AMBP: variants seen among roughly 807,000 people sequenced by gnomAD.
AMBP encodes alpha-1-microglobulin/bikunin precursor.
Under a neutral mutation model 46.3 loss-of-function variants are expected in AMBP, and 37 were observed. That is an observed-to-expected ratio of 0.80 (90% confidence interval 0.61 to 1.05). AMBP has a LOEUF of 1.05. Among genes scored for constraint, AMBP ranks in the 50% least tolerant of loss-of-function variants. The pLI is 0.00. For synonymous variants in AMBP, 174 were observed against 175.9 expected (o/e 0.99, Z 0.09); for missense variants, 475 against 461.2 (o/e 1.03, Z -0.27).
chr9:114,061,385 G>C (rs759875370), intron 8 of AMBP, 39 bp downstream of exon 8: 2 of 1,612,974 alleles, frequency 1.2e-6, no homozygotes, highest in African/African-American at 1.3e-5. Context: ...ACAGGGTCTT[G>C]AGGGTGCAGA....
intron 6 of AMBP, 110 bp downstream of exon 6, chr9:114,069,589 C>A (rs906910054): frequency 9.2e-7 from 1 of 1,089,008 alleles, no homozygotes; most frequent in East Asian, 2.6e-5. Flanking sequence ...CCTTCTCTCA[C>A]CCCCTCCCCA....
intron 9 of AMBP, 138 bp downstream of exon 9, chr9:114,060,787 A>C: frequency 9.5e-7 from 1 of 1,057,970 alleles, no homozygotes; most frequent in South Asian, 1.6e-5. Context: ...GCTCAGCCCC[A>C]TTTCAGAGAG....
chr9:114,061,217 G>C, intron 8 of AMBP, 119 bp from the exon 9 acceptor site: 1 of 1,414,124 alleles, frequency 7.1e-7, no homozygotes, highest in Non-Finnish European at 9.5e-7. Flanking sequence ...CTCGTTGACA[G>C]ATGGGGAAAC....
In AMBP at chr9:114,078,085, A is replaced by G; in HGVS notation, c.117+8T>C. The G allele has an allele frequency of 6.2e-7, 1 of 1,613,932 alleles. No individual in the cohort carries two copies. Among genetic ancestry groups the G allele is most frequent in the South Asian group, 1.1e-5 (1 of 91,070 alleles). On this transcript the variant is annotated splice_region_variant and intron_variant, in intron 1 of 9. Coordinates refer to ENST00000265132, the MANE Select transcript of AMBP (RefSeq NM_001633.4). ...CATCCACCCTACCACAGAGAGCGGC[A>G]GCCTTACCCGAGAGATATTGAAGTT...
chr9:114,074,827 AGTT>A (rs958889177), intron 3 of AMBP, 130 bp downstream of exon 3: 4 of 722,358 alleles, frequency 5.5e-6, no homozygotes, highest in African/African-American at 3.5e-5. Flanking sequence ...GAAGAGGAGG[AGTT>A]GTTTGGGGGA....
intron 6 of AMBP, among the ~76,000 whole-genome samples, chr9:114,065,029 A>G (rs1846679868): frequency 6.6e-6 from 1 of 152,168 alleles, no homozygotes; most frequent in Non-Finnish European, 1.5e-5. Flanking sequence ...GGGCTATACA[A>G]TTGAGTGCTC....
chr9:114,069,863 CT>C (rs1564372159), intron 5 of AMBP, 118 bp from the exon 6 acceptor site: 1 of 1,024,608 alleles, frequency 9.8e-7, no homozygotes, highest in African/African-American at 1.6e-5. Context: ...CCTTAGTCCA[CT>C]TCATGAATGG....
At chr9:114,070,985 G>A (rs1018012468) in intron 5 of AMBP, among the ~76,000 whole-genome samples, 2 of 152,152 alleles carry the variant, frequency 1.3e-5, no homozygotes, top group African/African-American at 2.4e-5. Context: ...AGCTTGCCAC[G>A]ATGTCACCCC....
At chr9:114,061,164 ACTG>A in intron 8 of AMBP, 66 bp from the exon 9 acceptor site, 1 of 1,566,216 alleles carries the variant, frequency 6.4e-7, no homozygotes. Flanking sequence ...CATACATGAG[ACTG>A]CTGAGCCAGA....
At chr9:114,073,818 G>A (rs538725397) in intron 4 of AMBP, among the ~76,000 whole-genome samples, 11 of 152,268 alleles carry the variant, frequency 7.2e-5, no homozygotes, top group African/African-American at 2.4e-4. Context: ...TCTTTTAAGG[G>A]CCTGGAGGCT....
chr9:114,068,160 T>C (rs1183373757), intron 6 of AMBP, among the ~76,000 whole-genome samples: 3 of 152,196 alleles, frequency 2.0e-5, no homozygotes, highest in Non-Finnish European at 1.5e-5. Flanking sequence ...ATAATAAATA[T>C]ACTCTTTAAA....
At chr9:114,075,523 CTAT>C (rs1846796763) in intron 2 of AMBP, among the ~76,000 whole-genome samples, 1 of 152,188 alleles carries the variant, frequency 6.6e-6, no homozygotes, top group South Asian at 2.1e-4. Flanking sequence ...TACGAATTAG[CTAT>C]TATTGTTACA....
At position 114,064,855 on chromosome 9, in the gene AMBP, T is replaced by A. The variant is rs73658326; in HGVS notation, c.604-2097A>T. On this transcript the variant is annotated intron_variant, in intron 6 of 9. Transcript: ENST00000265132. ...CTCCAGGCCTGGTATGTCATCAGAT[T>A]TATTATTCTTCCTAATACTTCTAAA... 6.8e-3 allele frequency among the ~76,000 whole-genome samples: 1,040 copies of A among 152,264 alleles called. 10 individuals carry two copies. The highest frequency in any genetic ancestry group is 0.022 in the African/African-American group (931 of 41,540).
intron 8 of AMBP, 56 bp from the exon 9 acceptor site, chr9:114,061,154 C>CCTG: frequency 6.3e-7 from 1 of 1,586,538 alleles, no homozygotes; most frequent in Non-Finnish European, 8.6e-7. Flanking sequence ...GCTGATCAGA[C>CCTG]ATACATGAGA....
At chr9:114,068,814 A>G (rs1413606728) in intron 6 of AMBP, among the ~76,000 whole-genome samples, 1 of 150,896 alleles carries the variant, frequency 6.6e-6, no homozygotes, top group Non-Finnish European at 1.5e-5. Flanking sequence ...AGATTAAAAA[A>G]AAAAAAAAAA....
At chr9:114,067,670 G>A (rs928672409) in intron 6 of AMBP, among the ~76,000 whole-genome samples, 2 of 152,134 alleles carry the variant, frequency 1.3e-5, no homozygotes, top group Non-Finnish European at 2.9e-5. Context: ...TGCCTACAAA[G>A]AGAAGAAATA....
intron 6 of AMBP, among the ~76,000 whole-genome samples, chr9:114,062,978 A>G (rs1247599977): frequency 1.3e-5 from 2 of 152,112 alleles, no homozygotes; most frequent in Non-Finnish European, 2.9e-5. Flanking sequence ...GAAATTTAAA[A>G]CCATGAGGTA....
rs200690059 is a variant in AMBP, at chr9:114,064,395, A to AT, written c.604-1638dup. On this transcript the variant is annotated intron_variant, in intron 6 of 9. Transcript: ENST00000265132. ...GATTTACTGGGAATATTTAGAAACA[A>AT]TTTTTTTTAAAAAAAATAAAGGTAG... Among the ~76,000 whole-genome samples, 217 of 152,182 alleles carry AT rather than the reference A, an allele frequency of 1.4e-3. 5 individuals carry two copies. The highest frequency in any genetic ancestry group is 4.1e-4 in the Non-Finnish European group (28 of 68,012).
At chr9:114,068,559 T>C (rs1467749681) in intron 6 of AMBP, among the ~76,000 whole-genome samples, 1 of 151,614 alleles carries the variant, frequency 6.6e-6, no homozygotes, top group Non-Finnish European at 1.5e-5. Context: ...TGAGCCAAGA[T>C]CATGCAGCTG....
Sources: gnomAD v4.1 joint callset for allele counts (sites outside exome capture counted in the v4.1 genomes callset) on GRCh38, gnomAD v4.1.1 for gene constraint, MANE v1.5 for transcripts, NCBI Gene and HGNC (gene_info 2026-07-23, HGNC 2026-07-21) for gene names.